SYNE2: variants seen among roughly 807,000 people sequenced by gnomAD.
SYNE2 encodes spectrin repeat containing nuclear envelope protein 2.
Under a neutral mutation model 856.3 loss-of-function variants are expected in SYNE2, and 431 were observed. That is an observed-to-expected ratio of 0.50 (90% CI 0.47 to 0.55). SYNE2 has a LOEUF of 0.55. Ranked by LOEUF, SYNE2 falls within the 20% of genes least tolerant of loss-of-function variation. The pLI, the probability that SYNE2 is intolerant of heterozygous loss-of-function variation, is 0.00. For missense variants in SYNE2, 8,129 were observed against 8,023.2 expected (o/e 1.01, Z -0.50); for synonymous variants, 2,923 against 2,872.3 (o/e 1.02, Z -0.56).
chr14:63,776,854 G>A (rs111636062), intron 1 of SYNE2, among the ~76,000 whole-genome samples: 5 of 152,092 alleles, frequency 3.3e-5, no homozygotes, highest in Non-Finnish European at 1.5e-5. Context: ...GCCCACCTTG[G>A]CCTCCCAGAG....
rs200548317 is a variant in SYNE2 at position 64,210,007 on chromosome 14, G to T, written c.18606G>T (p.Arg6202=). The T allele has an allele frequency of 4.3e-6, 7 of 1,614,124 alleles. No individual in the cohort carries two copies. The East Asian group carries it at 1.6e-4, about 36-fold the overall frequency. Residue 6202 remains arginine, a synonymous_variant, in exon 103 of 116, where the codon CGG becomes CGT. Coordinates refer to ENST00000555002, the MANE Select transcript of SYNE2 (RefSeq NM_182914.3). ...QLELINKQYR[R]LARENRTDTA... is the part of the protein sequence containing the mutation. Reference sequence around the variant, plus strand: ...AGCTCATCAACAAGCAGTACCGGCGGCTGGCCCGGGAGAACCGCACAGACA... The same window carrying T: ...AGCTCATCAACAAGCAGTACCGGCGTCTGGCCCGGGAGAACCGCACAGACA...
At chr14:64,055,120 A>G (rs922276177) in intron 48 of SYNE2, among the ~76,000 whole-genome samples, 6 of 152,220 alleles carry the variant, frequency 3.9e-5, no homozygotes, top group African/African-American at 9.6e-5. Flanking sequence ...CATTCATTCA[A>G]TGATGTACCT....
chr14:64,153,259 A>G (rs187390936), intron 85 of SYNE2, among the ~76,000 whole-genome samples: 6 of 152,304 alleles, frequency 3.9e-5, no homozygotes, highest in Admixed American at 3.9e-4. Context: ...CAATGTCAGC[A>G]TTTTACCCCT....
At chr14:64,147,976 T>G (rs762556854) in intron 84 of SYNE2, among the ~76,000 whole-genome samples, 1 of 152,154 alleles carries the variant, frequency 6.6e-6, no homozygotes, top group Non-Finnish European at 1.5e-5. Flanking sequence ...TACATGAAAT[T>G]TACTAGTGAG....
At chr14:63,939,907 C>A (rs2095883252) in intron 2 of SYNE2, among the ~76,000 whole-genome samples, 1 of 152,156 alleles carries the variant, frequency 6.6e-6, no homozygotes, top group African/African-American at 2.4e-5. Context: ...AATGTTAAGA[C>A]TAAACCTTAA....
intron 2 of SYNE2, among the ~76,000 whole-genome samples, chr14:63,936,736 G>A (rs1008098228): frequency 2.0e-5 from 3 of 152,110 alleles, no homozygotes; most frequent in African/African-American, 7.2e-5. Context: ...TTCCTGATCT[G>A]AGTGAACATT....
rs954751739 is a variant in SYNE2, at chr14:64,031,357, G to C, written c.7221G>C (p.Lys2407Asn). 6.8e-6 allele frequency: 11 copies of C among 1,613,592 alleles called. No homozygotes were observed. Among genetic ancestry groups the C allele is most frequent in the Non-Finnish European group, 9.3e-6 (11 of 1,179,700 alleles). The change falls in exon 45 of 116, where the codon AAG becomes AAC. Residue 2407 changes from lysine to asparagine, a missense_variant and splice_region_variant. Transcript: ENST00000555002. ...TGGAGGAAGACTGGGAAATAAACAA[G>C]GTAAGTGCTTGTGATTGCACTTTCA... ...EKLEEDWEINKDSAVEMAMSK... is the reference protein window; with the variant it reads ...EKLEEDWEINNDSAVEMAMSK...
At chr14:63,829,468 A>G (rs1030331407) in intron 1 of SYNE2, among the ~76,000 whole-genome samples, 4 of 152,120 alleles carry the variant, frequency 2.6e-5, no homozygotes, top group Non-Finnish European at 5.9e-5. Context: ...TCTTCTTCAA[A>G]TAGTTAATCA....
chr14:63,876,380 G>C (rs2094718462), intron 1 of SYNE2, among the ~76,000 whole-genome samples: 1 of 151,962 alleles, frequency 6.6e-6, no homozygotes, highest in Non-Finnish European at 1.5e-5. Flanking sequence ...CTCCAGCCTG[G>C]GTGACAGAGC....
rs750895720 is a variant in SYNE2 at position 64,208,847 on chromosome 14, T to C, written c.18291T>C (p.Cys6097=). The change falls in exon 101 of 116, where the codon TGT becomes TGC. Residue 6097 remains cysteine, a synonymous_variant. Coordinates refer to ENST00000555002, the MANE Select transcript of SYNE2 (RefSeq NM_182914.3). The part of the protein sequence containing the change: ...CDVLLHDSDA[C]ANETECDSIQ... Reference sequence around the variant, plus strand: ...TCCTACTGCACGACTCCGATGCCTGTGCAAATGAGACCGAGTGTGACTCGA... The same window carrying C: ...TCCTACTGCACGACTCCGATGCCTGCGCAAATGAGACCGAGTGTGACTCGA... 1.2e-6 allele frequency: 2 copies of C among 1,614,196 alleles called. No homozygotes were observed. Among genetic ancestry groups the C allele is most frequent in the South Asian group, 2.2e-5 (2 of 91,084 alleles).
Position 63,983,764 on chromosome 14 carries a change from A to G in SYNE2, c.2029A>G (p.Lys677Glu), listed in dbSNP as rs1449366485. 3.7e-6 allele frequency: 6 copies of G among 1,613,212 alleles called. No individual in the cohort carries two copies. Among genetic ancestry groups the G allele is most frequent in the Non-Finnish European group, 3.4e-6 (4 of 1,179,390 alleles). ...LEMNLPLMIK[K>E]QDQPTFDNSG... is the part of the protein sequence containing the mutation. ...AATGAACCTGCCACTGATGATAAAA[A>G]AACAGGATCAGCCCACTTTTGACAA... The change falls in exon 18 of 116, where the codon AAA (lysine) becomes GAA (glutamate). Residue 677 changes from lysine (K) to glutamate (E), a missense_variant. Around this residue, in one of 3 missense-constraint regions of SYNE2, gnomAD observed 2,422 missense variants for 2,357.4 expected, o/e 1.03. Coordinates refer to ENST00000555002, the MANE Select transcript of SYNE2 (RefSeq NM_182914.3).
chr14:63,934,278 G>A (rs1249943743), intron 2 of SYNE2, among the ~76,000 whole-genome samples: 1 of 152,084 alleles, frequency 6.6e-6, no homozygotes, highest in Non-Finnish European at 1.5e-5. Flanking sequence ...TCCTCTTAGT[G>A]TTTTTTCCCT....
In SYNE2 at chr14:64,142,086, A is replaced by G. The variant is rs762633477; in HGVS notation, c.15304A>G (p.Lys5102Glu). Residue 5102 changes from lysine (K) to glutamate (E), a missense_variant and splice_region_variant, in exon 82 of 116, where the codon AAG becomes GAG. Transcript: ENST00000555002. ...SQVKHLLQKH[K>E]EFRMEMDYKQ... Reference sequence around the variant, plus strand: ...AGTTAAACATCTTCTTCAGAAGCACAAGGTAATTATGCAAAAGGAGCAGAA... The same window carrying G: ...AGTTAAACATCTTCTTCAGAAGCACGAGGTAATTATGCAAAAGGAGCAGAA... The G allele has an allele frequency of 6.2e-7, 1 of 1,614,100 alleles. No homozygotes were observed. The highest frequency in any genetic ancestry group is 8.5e-7 in the Non-Finnish European group (1 of 1,179,984).
intron 1 of SYNE2, among the ~76,000 whole-genome samples, chr14:63,768,860 C>T (rs750201562): frequency 7.2e-5 from 11 of 151,832 alleles, no homozygotes; most frequent in Non-Finnish European, 1.6e-4. Flanking sequence ...AGATCACAGT[C>T]ATAGAGGAAC....
chr14:64,040,310 T>C (rs1238067981), intron 45 of SYNE2, among the ~76,000 whole-genome samples: 1 of 151,996 alleles, frequency 6.6e-6, no homozygotes, highest in African/African-American at 2.4e-5. Context: ...CTGAAAGATA[T>C]TTTACCATAA....
chr14:64,167,136 C>T, intron 90 of SYNE2, 97 bp from the exon 91 acceptor site: 2 of 1,512,556 alleles, frequency 1.3e-6, no homozygotes, highest in Non-Finnish European at 1.8e-6. Flanking sequence ...CCTGTTCAGG[C>T]CCCAGTTTTC....
At chr14:63,974,083 T>A (rs1304951115) in intron 11 of SYNE2, among the ~76,000 whole-genome samples, 1 of 152,110 alleles carries the variant, frequency 6.6e-6, no homozygotes, top group East Asian at 1.9e-4. Flanking sequence ...ATAATAATTT[T>A]AAAAACCTCA....
At chr14:63,958,268 T>C (rs181716150) in intron 8 of SYNE2, among the ~76,000 whole-genome samples, 11 of 152,342 alleles carry the variant, frequency 7.2e-5, no homozygotes, top group Non-Finnish European at 1.5e-4. Flanking sequence ...CTAATGACTT[T>C]TTTCTCTTTC....
chr14:64,203,091 A>G, intron 100 of SYNE2, 128 bp downstream of exon 100: 1 of 1,240,846 alleles, frequency 8.1e-7, no homozygotes. Context: ...CTTTTTCCAG[A>G]GAAAACTGAC....
Sources: gnomAD v4.1 joint callset for allele counts (sites outside exome capture counted in the v4.1 genomes callset) on GRCh38, gnomAD v4.1.1 for gene constraint, gnomAD v4.1.1 regional missense constraint, MANE v1.5 for transcripts, NCBI Gene and HGNC (gene_info 2026-07-23, HGNC 2026-07-21) for gene names.